The following CADM2 variants were observed in gnomAD, a reference collection of about 807,000 sequenced individuals.
CADM2 encodes the protein immunoglobulin superfamily member 4D.
CADM2 carries 12 observed loss-of-function variants against 49.8 expected under a neutral mutation model. The observed-to-expected ratio is 0.24, with a 90% CI of 0.15 to 0.39. The LOEUF (loss-of-function observed/expected upper bound fraction) is 0.39, where lower values mean the gene tolerates loss of function less well. Among genes scored for constraint, CADM2 ranks in the 10% least tolerant of loss-of-function variants. The pLI, the probability that CADM2 is intolerant of heterozygous loss-of-function variation, is 1.00. For missense variants in CADM2, 378 were observed against 492.3 expected (o/e 0.77, Z 2.20); for synonymous variants, 214 against 175.4 (o/e 1.22, Z -1.74).
chr3:85,601,274 AT>A (rs940726113), intron 1 of CADM2, among the ~76,000 whole-genome samples: 8 of 149,532 alleles, frequency 5.4e-5, no homozygotes, highest in South Asian at 2.1e-4. Flanking sequence ...TGGAAATATT[AT>A]TTTTGAAATA....
intron 1 of CADM2, among the ~76,000 whole-genome samples, chr3:85,353,319 T>C (rs9861237): frequency 0.39 from 59,243 of 151,730 alleles, 11,854 homozygotes; most frequent in African/African-American, 0.46. Flanking sequence ...CCCCTCTCAA[T>C]TGCAATGTAA....
intron 1 of CADM2, among the ~76,000 whole-genome samples, chr3:85,636,394 TAAAG>T (rs1385001141): frequency 1.3e-5 from 2 of 152,104 alleles, no homozygotes; most frequent in African/African-American, 2.4e-5. Flanking sequence ...AATAAGGATA[TAAAG>T]AAAGAAAATA....
intron 1 of CADM2, among the ~76,000 whole-genome samples, chr3:85,352,759 G>T (rs1176304474): frequency 6.6e-6 from 1 of 152,078 alleles, no homozygotes; most frequent in Non-Finnish European, 1.5e-5. Flanking sequence ...TTTCTCAAAT[G>T]ACTGGATGAC....
chr3:85,089,076 C>G (rs555719817), intron 1 of CADM2, among the ~76,000 whole-genome samples: 1 of 152,144 alleles, frequency 6.6e-6, no homozygotes, highest in Non-Finnish European at 1.5e-5. Context: ...AGCTGAATAA[C>G]TTTTCCTATA....
At chr3:85,103,704 C>T (rs2038100716) in intron 1 of CADM2, among the ~76,000 whole-genome samples, 1 of 152,104 alleles carries the variant, frequency 6.6e-6, no homozygotes, top group South Asian at 2.1e-4. Context: ...CTTTGGACAT[C>T]TGGCAAGGGG....
In CADM2 at chr3:85,769,489, A is replaced by G. The variant is rs185419936; in HGVS notation, c.89-32558A>G. ...ATATAGTATATATACACGTATATAC[A>G]TATATACATATATGTATATATACAC... On this transcript the variant is annotated intron_variant, in intron 2 of 9. Transcript: ENST00000383699. Among the ~76,000 whole-genome samples, 398 of 55,384 alleles carry G rather than the reference A, an allele frequency of 7.2e-3. 48 individuals carry two copies. Among genetic ancestry groups the G allele is most frequent in the African/African-American group, 0.038 (365 of 9,506 alleles). 36.3% of individuals were successfully genotyped at this position (55,384 alleles called of 152,430 possible). A position where few individuals can be genotyped will look rare whatever the true frequency, so the allele number is the denominator to read the frequency against.
At chr3:84,964,712 A>T (rs1481808489) in intron 1 of CADM2, among the ~76,000 whole-genome samples, 1 of 152,152 alleles carries the variant, frequency 6.6e-6, no homozygotes, top group Non-Finnish European at 1.5e-5. Context: ...TATTATACTT[A>T]AGCTTCCTGA....
chr3:85,665,070 T>C (rs1202180569), intron 1 of CADM2, among the ~76,000 whole-genome samples: 1 of 152,028 alleles, frequency 6.6e-6, no homozygotes, highest in Non-Finnish European at 1.5e-5. Flanking sequence ...ATTCAATACT[T>C]GTGAATAATT....
intron 1 of CADM2, among the ~76,000 whole-genome samples, chr3:85,103,770 G>C (rs910881936): frequency 6.6e-6 from 1 of 152,120 alleles, no homozygotes; most frequent in Non-Finnish European, 1.5e-5. Flanking sequence ...ATTCCAGAAC[G>C]TGAGTACTTC....
chr3:85,825,296 T>C (rs1324069461), intron 3 of CADM2, among the ~76,000 whole-genome samples: 1 of 151,916 alleles, frequency 6.6e-6, no homozygotes, highest in African/African-American at 2.4e-5. Context: ...TGGGAAGGCT[T>C]AAAGGAACTA....
At chr3:85,906,483 C>G (rs530485589) in intron 5 of CADM2, among the ~76,000 whole-genome samples, 1 of 152,244 alleles carries the variant, frequency 6.6e-6, no homozygotes, top group South Asian at 2.1e-4. Flanking sequence ...AATTTCAGTA[C>G]TATTCCTTGC....
chr3:85,756,625 A>C (rs2069136671), intron 2 of CADM2, among the ~76,000 whole-genome samples: 1 of 152,188 alleles, frequency 6.6e-6, no homozygotes, highest in African/African-American at 2.4e-5. Context: ...TATTAAATAT[A>C]TAGCCTACAT....
intron 1 of CADM2, among the ~76,000 whole-genome samples, chr3:85,262,559 G>A (rs944814379): frequency 6.6e-6 from 1 of 152,038 alleles, no homozygotes; most frequent in East Asian, 1.9e-4. Context: ...AGTACACAAA[G>A]TGTTTTTGTA....
chr3:85,819,222 C>T (rs1028025656), intron 3 of CADM2, among the ~76,000 whole-genome samples: 1 of 152,130 alleles, frequency 6.6e-6, no homozygotes, highest in African/African-American at 2.4e-5. Flanking sequence ...TCCACCTTTT[C>T]CTGCCTGCTT....
intron 2 of CADM2, among the ~76,000 whole-genome samples, chr3:85,762,216 A>G (rs1352420599): frequency 6.6e-6 from 1 of 152,122 alleles, no homozygotes; most frequent in Non-Finnish European, 1.5e-5. Flanking sequence ...GAACTTAAGC[A>G]TTTATAGAAA....
At chr3:85,350,517 T>C (rs911487918) in intron 1 of CADM2, among the ~76,000 whole-genome samples, 5 of 152,168 alleles carry the variant, frequency 3.3e-5, no homozygotes, top group African/African-American at 9.6e-5. Context: ...GATCTCATCT[T>C]TTCCTATTCC....
intron 1 of CADM2, among the ~76,000 whole-genome samples, chr3:85,667,998 A>C (rs1344359443): frequency 1.3e-5 from 2 of 152,082 alleles, no homozygotes; most frequent in Non-Finnish European, 2.9e-5. Flanking sequence ...ACCTAAATAC[A>C]TATTAACATT....
At position 86,059,350 on chromosome 3, in the gene CADM2, G is replaced by A. The variant is rs138733837; in HGVS notation, c.971-6255G>A. ...TATAAATTAGTGTTATTTTTCACTC[G>A]TAAATATTTAAAATTACTGAACTTA... is the stretch of plus-strand genomic sequence containing the variant. On this transcript the variant is annotated intron_variant, in intron 8 of 9. Coordinates refer to ENST00000383699, the MANE Select transcript of CADM2 (RefSeq NM_001167675.2). Among the ~76,000 whole-genome samples, 78 of 152,072 alleles carry A rather than the reference G, an allele frequency of 5.1e-4. No individual in the cohort carries two copies. In the East Asian group the frequency reaches 0.013, roughly 25 times the overall value.
At chr3:85,734,773 A>T (rs2044654) in intron 2 of CADM2, among the ~76,000 whole-genome samples, 31,962 of 147,996 alleles carry the variant, frequency 0.22, 4,081 homozygotes, top group Middle Eastern at 0.29. Flanking sequence ...CATATACATA[A>T]CTCACCATAT....
Sources: allele counts gnomAD v4.1 joint callset (sites outside exome capture counted in the v4.1 genomes callset), GRCh38; gene constraint gnomAD v4.1.1; transcripts MANE v1.5; gene names NCBI Gene and HGNC (gene_info 2026-07-23, HGNC 2026-07-21).